Variants in DLGAP1 observed in about 807,000 individuals in gnomAD.
DLGAP1 encodes DLG associated protein 1.
In DLGAP1, 11 loss-of-function variants were observed where a neutral mutation model predicts 90.8. The observed-to-expected ratio is 0.12, with a 90% CI of 0.08 to 0.20. DLGAP1 has a LOEUF of 0.20. Ranked by LOEUF, DLGAP1 falls within the 10% of genes least tolerant of loss-of-function variation. DLGAP1 has a pLI of 1.00. For synonymous variants in DLGAP1, 558 were observed against 540.7 expected (o/e 1.03, Z -0.44); for missense variants, 1,050 against 1,333.8 (o/e 0.79, Z 3.31).
chr18:4,393,907 G>A (rs1011995903), intron 1 of DLGAP1, among the ~76,000 whole-genome samples: 23 of 152,132 alleles, frequency 1.5e-4, no homozygotes, highest in African/African-American at 5.6e-4. Flanking sequence ...AGAATCTAAT[G>A]CCGCTGCTGA....
chr18:4,380,203 G>C (rs2082087832), intron 1 of DLGAP1, among the ~76,000 whole-genome samples: 1 of 152,126 alleles, frequency 6.6e-6, no homozygotes, highest in Non-Finnish European at 1.5e-5. Flanking sequence ...TACACTTCTT[G>C]ATGATTTCCC....
intron 2 of DLGAP1, among the ~76,000 whole-genome samples, chr18:4,009,236 C>A (rs1351460021): frequency 1.3e-5 from 2 of 152,176 alleles, no homozygotes; most frequent in South Asian, 2.1e-4. Flanking sequence ...ACTTGCGCTC[C>A]ATGCTCCTCT....
chr18:4,076,976 T>C (rs2075533243), intron 2 of DLGAP1, among the ~76,000 whole-genome samples: 1 of 152,072 alleles, frequency 6.6e-6, no homozygotes, highest in Non-Finnish European at 1.5e-5. Context: ...ACTTGTTGGC[T>C]CAATGTTTGT....
At chr18:4,375,177 C>T (rs2081990556) in intron 1 of DLGAP1, among the ~76,000 whole-genome samples, 1 of 152,222 alleles carries the variant, frequency 6.6e-6, no homozygotes, top group African/African-American at 2.4e-5. Flanking sequence ...ATAGCACTTT[C>T]CACTGATTTG....
chr18:4,350,912 T>C (rs1474977837), intron 1 of DLGAP1, among the ~76,000 whole-genome samples: 3 of 152,094 alleles, frequency 2.0e-5, no homozygotes, highest in Non-Finnish European at 4.4e-5. Flanking sequence ...TCCAGGAGAC[T>C]TTGGAATTAA....
intron 2 of DLGAP1, among the ~76,000 whole-genome samples, chr18:4,107,365 A>T (rs1383447613): frequency 6.6e-6 from 1 of 152,164 alleles, no homozygotes; most frequent in African/African-American, 2.4e-5. Flanking sequence ...CTTTTAGTAG[A>T]AGCACAGGAA....
At chr18:4,201,068 C>T (rs958413014) in intron 1 of DLGAP1, among the ~76,000 whole-genome samples, 3 of 152,126 alleles carry the variant, frequency 2.0e-5, no homozygotes, top group African/African-American at 7.2e-5. Context: ...CAGATGTATG[C>T]TTTGCAAATA....
At position 4,050,233 on chromosome 18, in the gene DLGAP1, A is replaced by G. The variant is rs148439795; in HGVS notation, c.-158-45032T>C. Among the ~76,000 whole-genome samples, 744 of 152,304 alleles carry G rather than the reference A, an allele frequency of 4.9e-3. 7 individuals are homozygous for G. Among genetic ancestry groups the G allele is most frequent in the African/African-American group, 0.014 (566 of 41,564 alleles). On this transcript the variant is annotated intron_variant, in intron 2 of 12. Transcript: ENST00000315677. ...TTACTCTGTGGAGGCAAAACAGACT[A>G]GTATTTTCAGTTCTCTTTTTGAGAA...
intron 5 of DLGAP1, among the ~76,000 whole-genome samples, chr18:3,747,822 A>G (rs988350900): frequency 8.9e-4 from 135 of 152,238 alleles, no homozygotes; most frequent in African/African-American, 3.2e-3. Context: ...ATACATTAAT[A>G]ACACACAAAA....
chr18:3,881,631 G>A (rs114057863), intron 3 of DLGAP1, among the ~76,000 whole-genome samples: 1,811 of 152,278 alleles, frequency 0.012, 24 homozygotes, highest in Middle Eastern at 0.041. Flanking sequence ...AAAACAAGAT[G>A]AGCCGGGCGC....
Position 3,596,785 on chromosome 18 carries a change from G to A in DLGAP1, c.1592-14537C>T, listed in dbSNP as rs185422507. 5.2e-4 allele frequency: 269 copies of A among 516,624 alleles called. 4 individuals carry two copies. In the Admixed American group the frequency reaches 5.3e-3, roughly 10 times the overall value. 32.0% of individuals were successfully genotyped at this position (516,624 alleles called of 1,614,324 possible). A position where few individuals can be genotyped will look rare whatever the true frequency, so the allele number is the denominator to read the frequency against. ...CAGGAAGGGGAGGTGATCGGGGCAG[G>A]AGTAAAGTGGACACCTCAGCAAAGC... On this transcript the variant is annotated intron_variant, in intron 7 of 12. Transcript: ENST00000315677.
intron 1 of DLGAP1, among the ~76,000 whole-genome samples, chr18:4,379,690 T>C (rs932667048): frequency 6.6e-6 from 1 of 152,144 alleles, no homozygotes; most frequent in Non-Finnish European, 1.5e-5. Flanking sequence ...AGGTAAAGTG[T>C]TGTATTTCTT....
intron 4 of DLGAP1, chr18:3,874,308 T>C: frequency 6.5e-7 from 1 of 1,543,596 alleles, no homozygotes; most frequent in East Asian, 2.4e-5. Flanking sequence ...CCTCTGTCTC[T>C]CTCTCTCCAC....
intron 7 of DLGAP1, among the ~76,000 whole-genome samples, chr18:3,626,499 T>G (rs545429983): frequency 6.9e-6 from 1 of 145,176 alleles, no homozygotes; most frequent in African/African-American, 2.6e-5. Flanking sequence ...GAGGCTGAGG[T>G]GGGAGGATCA....
intron 9 of DLGAP1, among the ~76,000 whole-genome samples, chr18:3,542,323 A>C (rs1890720473): frequency 6.6e-6 from 1 of 152,196 alleles, no homozygotes; most frequent in South Asian, 2.1e-4. Flanking sequence ...CTAGACATTC[A>C]CTATTAGTCA....
At chr18:3,522,317 A>G (rs995907424) in intron 10 of DLGAP1, among the ~76,000 whole-genome samples, 2 of 151,446 alleles carry the variant, frequency 1.3e-5, no homozygotes, top group Non-Finnish European at 2.9e-5. Flanking sequence ...TTGTATTTTT[A>G]GTAGAGACGG....
intron 3 of DLGAP1, chr18:3,896,290 T>C (rs1413913494): frequency 1.3e-5 from 2 of 152,218 alleles, no homozygotes; most frequent in Non-Finnish European, 2.9e-5. Flanking sequence ...ATAGCTTTCC[T>C]GCTAAGCACC....
At position 3,584,510 on chromosome 18, in the gene DLGAP1, A is replaced by C. The variant is rs528619825; in HGVS notation, c.1592-2262T>G. Among the ~76,000 whole-genome samples the C allele has an allele frequency of 3.9e-5, 6 of 152,352 alleles. No homozygotes were observed. The East Asian group carries it at 1.2e-3, about 29-fold the overall frequency. On this transcript the variant is annotated intron_variant, in intron 7 of 12. Transcript: ENST00000315677. Reference sequence around the variant, plus strand: ...GCTGTTTCAGTGGCCTATGATTTGGAGTAATTTCCTTAACCATAAAATAGA... The same window carrying C: ...GCTGTTTCAGTGGCCTATGATTTGGCGTAATTTCCTTAACCATAAAATAGA...
chr18:4,192,398 A>G (rs2077418657), intron 1 of DLGAP1, among the ~76,000 whole-genome samples: 1 of 152,180 alleles, frequency 6.6e-6, no homozygotes, highest in African/African-American at 2.4e-5. Context: ...ACTGCAACTC[A>G]TCCTTCCTCC....
Sources: gnomAD v4.1 joint callset for allele counts (sites outside exome capture counted in the v4.1 genomes callset) on GRCh38, gnomAD v4.1.1 for gene constraint, MANE v1.5 for transcripts, NCBI Gene and HGNC (gene_info 2026-07-23, HGNC 2026-07-21) for gene names.